Variants in CPN2 observed in about 807,000 individuals in gnomAD.
CPN2 encodes the protein carboxypeptidase N subunit 2, also known as carboxypeptidase N 83 kDa chain.
For missense variants in CPN2, 620 were observed against 671.4 expected, an observed-to-expected ratio of 0.92 and a Z score of 0.85; for synonymous variants, 336 against 318.4, an observed-to-expected ratio of 1.06 and a Z score of -0.59.
At chr3:194,349,778 C>CGT (rs1713196230) in intron 1 of CPN2, among the ~76,000 whole-genome samples, 3 of 65,538 alleles carry the variant, frequency 4.6e-5, no homozygotes, top group African/African-American at 1.9e-4. Flanking sequence ...CTACCCTCTT[C>CGT]TTTTTTTTTT....
At position 194,341,133 on chromosome 3, in the gene CPN2, C is replaced by T; in HGVS notation, c.1570G>A (p.Asp524Asn). The change falls in exon 2 of 2, where the codon GAC becomes AAC. Residue 524 changes from aspartate (D) to asparagine (N), a missense_variant. By Grantham distance (23) the Asp-to-Asn change is conservative. Coordinates refer to ENST00000323830, the MANE Select transcript of CPN2 (RefSeq NM_001080513.4). The stretch of plus-strand genomic sequence containing the variant: ...AGAGAACCGCAGCTCGACCTCAGGT[C>T]CCACTCCTGACTAGCATTGTACTGC... ...GLQYNASQEW[D>N]LRSSCGSLRL... is the part of the protein sequence containing the mutation. 1 of 1,613,194 alleles carries T rather than the reference C, an allele frequency of 6.2e-7. No homozygotes were observed. Among genetic ancestry groups the T allele is most frequent in the Non-Finnish European group, 8.5e-7 (1 of 1,179,814 alleles).
intron 1 of CPN2, among the ~76,000 whole-genome samples, 195 bp downstream of exon 1, chr3:194,351,047 A>C (rs1713248481): frequency 6.6e-6 from 1 of 151,940 alleles, no homozygotes. Flanking sequence ...CCCCCGCCCC[A>C]CCTTCCTCCT....
chr3:194,346,115 C>G (rs1248460926), intron 1 of CPN2, among the ~76,000 whole-genome samples: 1 of 152,236 alleles, frequency 6.6e-6, no homozygotes, highest in Non-Finnish European at 1.5e-5. Context: ...TGATCCTCAG[C>G]GCAAACCTAG....
chr3:194,347,714 C>T (rs184634720), intron 1 of CPN2, among the ~76,000 whole-genome samples: 1,374 of 123,506 alleles, frequency 0.011, 76 homozygotes, highest in African/African-American at 0.051. Flanking sequence ...TCAGCCCACC[C>T]CATCTGCTGC....
At position 194,342,112 on chromosome 3, in the gene CPN2, G is replaced by A. The variant is rs750403604; in HGVS notation, c.591C>T (p.Thr197=). The A allele has an allele frequency of 1.2e-6, 2 of 1,614,138 alleles. No homozygotes were observed. Among genetic ancestry groups the A allele is most frequent in the South Asian group, 2.2e-5 (2 of 91,070 alleles). The part of the protein sequence containing the change: ...ELFHPLTSLQ[T]LKLSNNALSG... The stretch of plus-strand genomic sequence containing the variant: ...AGAGCGCGTTGTTGCTCAGCTTCAG[G>A]GTCTGCAGGCTGGTGAGTGGGTGGA... The change falls in exon 2 of 2, where the codon ACC becomes ACT. Residue 197 remains threonine (T), a synonymous_variant. Coordinates refer to ENST00000323830, the MANE Select transcript of CPN2 (RefSeq NM_001080513.4).
Position 194,342,710 on chromosome 3 carries a change from A to G in CPN2, c.-3-5T>C, listed in dbSNP as rs754223578. 2 of 1,209,364 alleles carry G rather than the reference A, an allele frequency of 1.7e-6. No individual in the cohort carries two copies. The highest frequency in any genetic ancestry group is 2.4e-6 in the Non-Finnish European group (2 of 835,146). The allele number at this position is 1,209,364 out of a possible 1,614,324, so 74.9% of individuals were successfully genotyped here. ...CCAGGCTCCAGGGAGCATCTTCTAG[A>G]TTCGAGGAGGGAGAGAGAACAGGAA... On this transcript the variant is annotated splice_region_variant and splice_polypyrimidine_tract_variant and intron_variant, in intron 1 of 1. Transcript: ENST00000323830.
In CPN2 at chr3:194,348,390, C is replaced by T. The variant is rs73892322; in HGVS notation, c.-4+2852G>A. The stretch of plus-strand genomic sequence containing the variant: ...AGCCACCTCTCAGAGTCCCAGTCTG[C>T]GACTGTAAACCAAGAACGACCATGA... On this transcript the variant is annotated intron_variant, in intron 1 of 1. Transcript: ENST00000323830. Among the ~76,000 whole-genome samples, 389 of 151,908 alleles carry T rather than the reference C, an allele frequency of 2.6e-3. 85 individuals are homozygous for T. The highest frequency in any genetic ancestry group is 9.0e-3 in the African/African-American group (373 of 41,278).
chr3:194,348,565 G>A (rs1372858949), intron 1 of CPN2, among the ~76,000 whole-genome samples: 3 of 152,158 alleles, frequency 2.0e-5, no homozygotes, highest in African/African-American at 7.2e-5. Context: ...ATGCTACTCG[G>A]ATGTAATGGA....
rs767322520 is a variant in CPN2, at chr3:194,342,336, G to A, written c.367C>T (p.Leu123=). Residue 123 remains leucine, a synonymous_variant, in exon 2 of 2, where the codon CTG becomes TTG. Coordinates refer to ENST00000323830, the MANE Select transcript of CPN2 (RefSeq NM_001080513.4). ...TTGAAGTTGAGGGTGAGCTTGCCCAGCGAGGTCAGGTTGGAGAAGATGTTG... is the reference window on the plus strand; with the variant it reads ...TTGAAGTTGAGGGTGAGCTTGCCCAACGAGGTCAGGTTGGAGAAGATGTTG... ...STNIFSNLTS[L]GKLTLNFNML... 2 of 1,614,120 alleles carry A rather than the reference G, an allele frequency of 1.2e-6. No individual in the cohort carries two copies. The highest frequency in any genetic ancestry group is 1.7e-6 in the Non-Finnish European group (2 of 1,180,018).
Position 194,339,905 on chromosome 3 carries a change from A to G in CPN2, c.*1160T>C, listed in dbSNP as rs1411903174. 1 of 152,260 alleles carries G rather than the reference A, an allele frequency of 6.6e-6. No individual in the cohort carries two copies. Among genetic ancestry groups the G allele is most frequent in the Non-Finnish European group, 1.5e-5 (1 of 68,046 alleles). The allele number at this position is 152,260 out of a possible 1,614,324, so 9.4% of individuals were successfully genotyped here. On this transcript the variant is annotated 3_prime_UTR_variant, in exon 2 of 2. Coordinates refer to ENST00000323830, the MANE Select transcript of CPN2 (RefSeq NM_001080513.4). ...TATACATTTTAGGGAGGAATGAGGC[A>G]TCAATCAAATACATTTAAGAAATAC...
In CPN2 at chr3:194,341,090, A is replaced by G. The variant is rs116740238; in HGVS notation, c.1613T>C (p.Ile538Thr). The G allele has an allele frequency of 1.5e-3, 2,450 of 1,606,756 alleles. 34 individuals are homozygous for G. The African/African-American group carries it at 0.029, about 19-fold the overall frequency. Reference sequence around the variant, plus strand: ...CTAGGGCCCTGCTGCCCGAGCCTCGATAGACACGGTGAGCCGCAGAGAACC... The same window carrying G: ...CTAGGGCCCTGCTGCCCGAGCCTCGGTAGACACGGTGAGCCGCAGAGAACC... ...SCGSLRLTVS[I>T]EARAAGP The change falls in exon 2 of 2, where the codon ATC (isoleucine) becomes ACC (threonine). Residue 538 changes from isoleucine (I) to threonine (T), a missense_variant. Physicochemically the swap from Ile to Thr is moderately conservative, Grantham distance 89. Transcript: ENST00000323830.
intron 1 of CPN2, among the ~76,000 whole-genome samples, chr3:194,344,158 C>T (rs1237409613): frequency 6.6e-6 from 1 of 152,178 alleles, no homozygotes; most frequent in Non-Finnish European, 1.5e-5. Flanking sequence ...GAAGGTCTCC[C>T]ATTAAACTCA....
chr3:194,342,682 C>T lies in CPN2; in HGVS notation c.21G>A (p.Leu7=), dbSNP rs1260349312. ...CCAGGAGCAGGAGGGAGGTCCAGAGCAGCCAGGCTCCAGGGAGCATCTTCT... is the reference window on the plus strand; with the variant it reads ...CCAGGAGCAGGAGGGAGGTCCAGAGTAGCCAGGCTCCAGGGAGCATCTTCT... MLPGAW[L]LWTSLLLLAR... is the part of the protein sequence containing the mutation. The change falls in exon 2 of 2, where the codon CTG becomes CTA. Residue 7 remains leucine, a synonymous_variant. Coordinates refer to ENST00000323830, the MANE Select transcript of CPN2 (RefSeq NM_001080513.4). 3.3e-6 allele frequency: 5 copies of T among 1,513,216 alleles called. No individual in the cohort carries two copies. Among genetic ancestry groups the T allele is most frequent in the Non-Finnish European group, 3.6e-6 (4 of 1,102,492 alleles). 93.7% of individuals were successfully genotyped at this position (1,513,216 alleles called of 1,614,324 possible).
intron 1 of CPN2, among the ~76,000 whole-genome samples, chr3:194,343,588 T>G (rs185631183): frequency 4.6e-4 from 70 of 152,346 alleles, no homozygotes; most frequent in Non-Finnish European, 7.8e-4. Context: ...CCGCCACTGT[T>G]CCCATGCAGA....
rs903445890 is a variant in CPN2 at position 194,340,322 on chromosome 3, A to T, written c.*743T>A. ...AGTTCAAGGTAGGGCAAGGAAATAT[A>T]TTTGGGGGTTAAATATTTTTGCCTC... On this transcript the variant is annotated 3_prime_UTR_variant, in exon 2 of 2. Transcript: ENST00000323830. The T allele has an allele frequency of 6.6e-6, 1 of 152,196 alleles. No individual in the cohort carries two copies. Among genetic ancestry groups the T allele is most frequent in the Non-Finnish European group, 1.5e-5 (1 of 68,042 alleles). 9.4% of individuals were successfully genotyped at this position (152,196 alleles called of 1,614,324 possible).
intron 1 of CPN2, among the ~76,000 whole-genome samples, chr3:194,347,325 G>A (rs10933653): frequency 1.5e-4 from 23 of 151,598 alleles, no homozygotes; most frequent in Admixed American, 3.9e-4. Context: ...CCACCACAGA[G>A]CTAAGCCTCA....
At chr3:194,345,657 C>A (rs988880162) in intron 1 of CPN2, among the ~76,000 whole-genome samples, 1 of 152,228 alleles carries the variant, frequency 6.6e-6, no homozygotes, top group Non-Finnish European at 1.5e-5. Context: ...CTGGCCTCCT[C>A]CCAGGGAGAG....
At position 194,341,057 on chromosome 3, in the gene CPN2, C is replaced by T. The variant is rs111265276; in HGVS notation, c.*8G>A. 678 of 1,585,502 alleles carry T rather than the reference C, an allele frequency of 4.3e-4. 4 individuals carry two copies. In the African/African-American group the frequency reaches 8.0e-3, roughly 19 times the overall value. ...GGCCCCCTTCCCCAGCTCCTGTATG[C>T]GCTGCTACTAGGGCCCTGCTGCCCG... On this transcript the variant is annotated 3_prime_UTR_variant, in exon 2 of 2. Coordinates refer to ENST00000323830, the MANE Select transcript of CPN2 (RefSeq NM_001080513.4).
chr3:194,350,405 G>C (rs147241337), intron 1 of CPN2, among the ~76,000 whole-genome samples: 2 of 152,182 alleles, frequency 1.3e-5, no homozygotes. Context: ...GCCCCCAGCT[G>C]GGATCAGATT....
Sources: gnomAD v4.1 joint callset for allele counts (sites outside exome capture counted in the v4.1 genomes callset) on GRCh38, gnomAD v4.1.1 for gene constraint, MANE v1.5 for transcripts, NCBI Gene and HGNC (gene_info 2026-07-23, HGNC 2026-07-21) for gene names.